SAE1: variants seen among roughly 807,000 people sequenced by gnomAD.
SAE1 encodes SUMO1 activating enzyme subunit 1.
SAE1 carries 11 observed loss-of-function variants against 40.6 expected under a neutral mutation model. The observed-to-expected ratio is 0.27, with a 90% CI of 0.17 to 0.45. The LOEUF (loss-of-function observed/expected upper bound fraction) is 0.45, where lower values mean the gene tolerates loss of function less well. SAE1 is among the 20% of genes least tolerant of loss of function. The pLI is 1.00. For synonymous variants in SAE1, 155 were observed against 154.3 expected (o/e 1.00, Z -0.03); for missense variants, 373 against 427.3 (o/e 0.87, Z 1.12).
At chr19:47,192,473 CCCTGA>C (rs1371521938) in intron 6 of SAE1, among the ~76,000 whole-genome samples, 2 of 147,818 alleles carry the variant, frequency 1.4e-5, no homozygotes, top group Non-Finnish European at 3.0e-5. Flanking sequence ...GGTCTTGAAC[CCCTGA>C]CCTCGTGATC....
chr19:47,151,856 T>TG (rs1329504892), intron 3 of SAE1, among the ~76,000 whole-genome samples: 2 of 152,258 alleles, frequency 1.3e-5, no homozygotes, highest in East Asian at 3.8e-4. Context: ...GATTGTGTAA[T>TG]GCGTGTGCAT....
chr19:47,158,159 C>G (rs1327413626), intron 5 of SAE1, among the ~76,000 whole-genome samples: 1 of 152,110 alleles, frequency 6.6e-6, no homozygotes, highest in African/African-American at 2.4e-5. Flanking sequence ...TTCCCCTCCC[C>G]GCTTTCCCTA....
intron 4 of SAE1, among the ~76,000 whole-genome samples, chr19:47,154,828 A>C (rs971482064): frequency 6.6e-6 from 1 of 152,098 alleles, no homozygotes; most frequent in Non-Finnish European, 1.5e-5. Context: ...ATTCAAGTAG[A>C]GTGTTTACAA....
chr19:47,154,073 G>T (rs1225912727), intron 4 of SAE1, among the ~76,000 whole-genome samples: 1 of 147,410 alleles, frequency 6.8e-6, no homozygotes, highest in South Asian at 2.2e-4. Flanking sequence ...TTACACAGGC[G>T]TGAGCCACCG....
chr19:47,140,898 G>A (rs1223912473), intron 1 of SAE1, among the ~76,000 whole-genome samples: 2 of 152,130 alleles, frequency 1.3e-5, no homozygotes, highest in African/African-American at 4.8e-5. Context: ...ACCTGGGATG[G>A]AGTGCAGCGG....
chr19:47,189,964 A>G (rs1245555864), intron 6 of SAE1, among the ~76,000 whole-genome samples: 2 of 152,202 alleles, frequency 1.3e-5, no homozygotes, highest in African/African-American at 4.8e-5. Flanking sequence ...GAGTGCTTAC[A>G]TTATTTTGTA....
chr19:47,170,632 G>T (rs1179230110), intron 6 of SAE1, among the ~76,000 whole-genome samples: 2 of 150,366 alleles, frequency 1.3e-5, no homozygotes, highest in Non-Finnish European at 2.9e-5. Flanking sequence ...TCAGGCTCCT[G>T]AGTAGCTGGT....
intron 2 of SAE1, among the ~76,000 whole-genome samples, chr19:47,149,006 A>G (rs2123204747): frequency 6.6e-6 from 1 of 151,270 alleles, no homozygotes; most frequent in Non-Finnish European, 1.5e-5. Flanking sequence ...AAGTTTTCTC[A>G]TGAGGTTGCA....
intron 1 of SAE1, among the ~76,000 whole-genome samples, chr19:47,140,671 C>T: frequency 6.6e-6 from 1 of 151,542 alleles, no homozygotes; most frequent in Non-Finnish European, 1.5e-5. Context: ...TGGTGTGCAC[C>T]TATAGTCCCA....
chr19:47,147,893 G>C (rs565385926), intron 2 of SAE1, among the ~76,000 whole-genome samples: 26 of 151,678 alleles, frequency 1.7e-4, no homozygotes, highest in Admixed American at 1.6e-3. Context: ...CTAGTAGCTG[G>C]GACTACAGGC....
chr19:47,181,698 C>G (rs1012092849), intron 6 of SAE1, among the ~76,000 whole-genome samples: 2 of 149,438 alleles, frequency 1.3e-5, no homozygotes, highest in South Asian at 2.1e-4. Flanking sequence ...AGGCTGGTCT[C>G]GAACTCCTAG....
intron 2 of SAE1, among the ~76,000 whole-genome samples, chr19:47,149,210 G>T (rs139631620): frequency 2.6e-5 from 3 of 114,566 alleles, no homozygotes; most frequent in African/African-American, 6.9e-5. Flanking sequence ...TTGCTCTGTT[G>T]CCCAGGCTGG....
chr19:47,203,407 C>G (rs1298443272), intron 7 of SAE1, among the ~76,000 whole-genome samples: 1 of 152,130 alleles, frequency 6.6e-6, no homozygotes, highest in Non-Finnish European at 1.5e-5. Flanking sequence ...TATAGTCTTT[C>G]CTTTAACTTA....
At chr19:47,155,329 C>T in intron 5 of SAE1, 116 bp downstream of exon 5, 1 of 654,266 alleles carries the variant, frequency 1.5e-6, no homozygotes, top group Non-Finnish European at 2.6e-6. Context: ...GGGTGCTTGT[C>T]CCATCTAAAG....
Position 47,162,589 on chromosome 19 carries a change from TA to T in SAE1, c.628-7228del, listed in dbSNP as rs373203254. 2.3e-3 allele frequency among the ~76,000 whole-genome samples: 353 copies of T among 152,310 alleles called. 2 individuals carry two copies. The highest frequency in any genetic ancestry group is 8.2e-3 in the African/African-American group (339 of 41,574). On this transcript the variant is annotated intron_variant, in intron 5 of 8. Transcript: ENST00000270225. The stretch of plus-strand genomic sequence containing the variant: ...GCTTTTTAAAGATTCTTGGTCCCTC[TA>T]CCCTCCCCACCCCCTACCCCAGGAA...
intron 7 of SAE1, among the ~76,000 whole-genome samples, chr19:47,202,666 C>T (rs1184592500): frequency 2.0e-5 from 3 of 150,690 alleles, no homozygotes; most frequent in East Asian, 2.0e-4. Flanking sequence ...GTAATCCCAG[C>T]GCTTTGGGAG....
Position 47,140,604 on chromosome 19 carries a change from T to C in SAE1, c.99-2890T>C, listed in dbSNP as rs1470429387. 7.7e-5 allele frequency among the ~76,000 whole-genome samples: 11 copies of C among 143,148 alleles called. No individual in the cohort carries two copies. In the East Asian group the frequency reaches 2.2e-3, roughly 29 times the overall value. 93.9% of individuals were successfully genotyped at this position (143,148 alleles called of 152,430 possible). Reference sequence around the variant, plus strand: ...GAGCTGGAGATGAGCCTGGGCAACATAGTGAGACCCTGTGTCTACAAAAAA... The same window carrying C: ...GAGCTGGAGATGAGCCTGGGCAACACAGTGAGACCCTGTGTCTACAAAAAA... On this transcript the variant is annotated intron_variant, in intron 1 of 8. Coordinates refer to ENST00000270225, the MANE Select transcript of SAE1 (RefSeq NM_005500.3).
intron 2 of SAE1, 69 bp downstream of exon 2, chr19:47,143,674 T>C (rs1050035500): frequency 3.5e-6 from 4 of 1,153,872 alleles, no homozygotes; most frequent in Admixed American, 1.7e-5. Flanking sequence ...CTGCAGATTT[T>C]GTGAGTTCCT....
chr19:47,149,104 G>A (rs1007111381), intron 2 of SAE1, among the ~76,000 whole-genome samples: 1 of 151,070 alleles, frequency 6.6e-6, no homozygotes, highest in Admixed American at 6.6e-5. Flanking sequence ...CTCCTGCTTT[G>A]GCGTCCCAAA....
Sources: allele counts gnomAD v4.1 joint callset (sites outside exome capture counted in the v4.1 genomes callset), GRCh38; gene constraint gnomAD v4.1.1; transcripts MANE v1.5; gene names NCBI Gene and HGNC (gene_info 2026-07-23, HGNC 2026-07-21).